Variants in ADGRL2 observed in about 807,000 individuals in gnomAD.
ADGRL2 encodes the protein adhesion G protein-coupled receptor L2, also known as calcium-independent alpha-latrotoxin receptor 2.
Under a neutral mutation model 157.4 loss-of-function variants are expected in ADGRL2, and 44 were observed. The observed-to-expected ratio is 0.28, with a 90% CI of 0.22 to 0.36. The LOEUF (loss-of-function observed/expected upper bound fraction) is 0.36. Ranked by LOEUF, ADGRL2 falls within the 10% of genes least tolerant of loss-of-function variation. The pLI, the probability that ADGRL2 is intolerant of heterozygous loss-of-function variation, is 1.00. For synonymous variants in ADGRL2, 585 were observed against 624.7 expected (o/e 0.94, Z 0.95); for missense variants, 1,510 against 1,768.9 (o/e 0.85, Z 2.63).
chr1:81,351,404 C>A (rs948325935), intron 1 of ADGRL2, among the ~76,000 whole-genome samples: 1 of 152,024 alleles, frequency 6.6e-6, no homozygotes, highest in Non-Finnish European at 1.5e-5. Context: ...TTACTTCCCA[C>A]CCCGTGATGA....
At chr1:81,371,367 A>G (rs1042906886) in intron 1 of ADGRL2, among the ~76,000 whole-genome samples, 1 of 152,198 alleles carries the variant, frequency 6.6e-6, no homozygotes, top group Non-Finnish European at 1.5e-5. Context: ...CAACTAAAAG[A>G]TGGGGAGTAG....
At chr1:81,694,294 T>C (rs2083400169) in intron 3 of ADGRL2, among the ~76,000 whole-genome samples, 1 of 152,202 alleles carries the variant, frequency 6.6e-6, no homozygotes, top group African/African-American at 2.4e-5. Flanking sequence ...CTTGGTTCAA[T>C]TATTTGCTAG....
chr1:81,989,897 CA>C (rs1664230482), intron 23 of ADGRL2: 40 of 985,164 alleles, frequency 4.1e-5, no homozygotes, highest in Non-Finnish European at 4.7e-5. Flanking sequence ...AGTTGCTTGC[CA>C]GTTATGTGGG....
intron 1 of ADGRL2, among the ~76,000 whole-genome samples, chr1:81,802,777 G>A (rs1188557247): frequency 6.6e-6 from 1 of 152,162 alleles, no homozygotes; most frequent in Admixed American, 6.5e-5. Context: ...AGCGAGTTCG[G>A]GGGAAGTGGA....
chr1:81,806,606 T>C (rs1317914241), intron 1 of ADGRL2, among the ~76,000 whole-genome samples: 3 of 152,070 alleles, frequency 2.0e-5, no homozygotes, highest in African/African-American at 4.8e-5. Flanking sequence ...TAAAATGTTA[T>C]TGCTTTATTT....
At chr1:81,642,874 C>A (rs2082247337) in intron 3 of ADGRL2, among the ~76,000 whole-genome samples, 1 of 152,094 alleles carries the variant, frequency 6.6e-6, no homozygotes, top group Non-Finnish European at 1.5e-5. Context: ...TGATAAAATT[C>A]ACCACCAATT....
chr1:81,430,018 C>A (rs1230605416), intron 1 of ADGRL2, among the ~76,000 whole-genome samples: 2 of 152,110 alleles, frequency 1.3e-5, no homozygotes, highest in Non-Finnish European at 2.9e-5. Context: ...CTCAGCCTCC[C>A]GAGTAGCTGG....
At chr1:81,439,935 T>C (rs2077476520) in intron 1 of ADGRL2, among the ~76,000 whole-genome samples, 2 of 152,146 alleles carry the variant, frequency 1.3e-5, no homozygotes, top group Admixed American at 6.5e-5. Context: ...GAAATGAAAA[T>C]GGCTCTAAAA....
At chr1:81,542,363 T>A (rs755426818) in intron 2 of ADGRL2, among the ~76,000 whole-genome samples, 3 of 152,194 alleles carry the variant, frequency 2.0e-5, no homozygotes, top group Non-Finnish European at 4.4e-5. Flanking sequence ...AATTCTGATA[T>A]CCTGGACACA....
chr1:81,635,807 G>C (rs578121800), intron 3 of ADGRL2, among the ~76,000 whole-genome samples: 3 of 152,294 alleles, frequency 2.0e-5, no homozygotes, highest in South Asian at 4.1e-4. Flanking sequence ...CAACCTGAAT[G>C]TTTCATCATT....
intron 2 of ADGRL2, among the ~76,000 whole-genome samples, chr1:81,847,820 T>C (rs1476122182): frequency 6.6e-6 from 1 of 151,960 alleles, no homozygotes; most frequent in African/African-American, 2.4e-5. Flanking sequence ...TAAAGTCATG[T>C]AATGCAAAGT....
intron 3 of ADGRL2, among the ~76,000 whole-genome samples, chr1:81,935,457 G>T (rs1311478590): frequency 1.3e-5 from 2 of 152,036 alleles, no homozygotes; most frequent in South Asian, 2.1e-4. Context: ...GCTCTTCAAA[G>T]AGAAAGTCTA....
intron 2 of ADGRL2, among the ~76,000 whole-genome samples, chr1:81,530,074 C>T (rs1055459462): frequency 3.9e-5 from 6 of 152,138 alleles, no homozygotes; most frequent in African/African-American, 1.4e-4. Context: ...AGTGTTGTCA[C>T]TCAATATGCA....
At chr1:81,391,927 T>A (rs946265657) in intron 1 of ADGRL2, among the ~76,000 whole-genome samples, 4 of 152,222 alleles carry the variant, frequency 2.6e-5, no homozygotes, top group Admixed American at 6.5e-5. Flanking sequence ...GTACTTTACC[T>A]ACTATGTGCT....
At chr1:81,397,804 T>A (rs1224614084) in intron 1 of ADGRL2, among the ~76,000 whole-genome samples, 1 of 152,186 alleles carries the variant, frequency 6.6e-6, no homozygotes, top group Non-Finnish European at 1.5e-5. Context: ...GGATAAAAAG[T>A]TCTGTAAATG....
intron 1 of ADGRL2, among the ~76,000 whole-genome samples, chr1:81,331,089 T>C (rs996496955): frequency 3.3e-5 from 5 of 152,160 alleles, no homozygotes; most frequent in Non-Finnish European, 5.9e-5. Context: ...TTGATGATAA[T>C]GAGTATTTTA....
chr1:81,367,489 G>A (rs947957369), intron 1 of ADGRL2, among the ~76,000 whole-genome samples: 3 of 152,074 alleles, frequency 2.0e-5, no homozygotes, highest in African/African-American at 7.2e-5. Context: ...TCTGTTCCTG[G>A]GTTAGTTTGC....
chr1:81,942,764 C>T lies in ADGRL2; in HGVS notation c.410-205C>T, dbSNP rs188526676. Reference sequence around the variant, plus strand: ...TTAGGCTTTTGTTAGTGAAAATAAACATAAACTTCAGTTACTTTGTACCCT... The same window carrying T: ...TTAGGCTTTTGTTAGTGAAAATAAATATAAACTTCAGTTACTTTGTACCCT... On this transcript the variant is annotated intron_variant, in intron 5 of 23. Transcript: ENST00000686636. 4.9e-6 allele frequency: 3 copies of T among 614,756 alleles called. No homozygotes were observed. In the East Asian group the frequency reaches 8.8e-5, roughly 18 times the overall value. The allele number at this position is 614,756 out of a possible 1,614,324, so 38.1% of individuals were successfully genotyped here.
At chr1:81,545,261 A>T (rs1024642964) in intron 2 of ADGRL2, among the ~76,000 whole-genome samples, 1 of 151,926 alleles carries the variant, frequency 6.6e-6, no homozygotes, top group African/African-American at 2.4e-5. Context: ...GCTGCCCAGA[A>T]GAATAAAAAC....
Sources: allele counts gnomAD v4.1 joint callset (sites outside exome capture counted in the v4.1 genomes callset), GRCh38; gene constraint gnomAD v4.1.1; transcripts MANE v1.5; gene names NCBI Gene and HGNC (gene_info 2026-07-23, HGNC 2026-07-21).